NLGN4X: variants seen among roughly 807,000 people sequenced by gnomAD.
The protein encoded by NLGN4X is neuroligin 4 X-linked, also known as neuroligin-4, X-linked.
In NLGN4X, 3 loss-of-function variants were observed where a neutral mutation model predicts 40.3. That is an observed-to-expected ratio of 0.07 (90% CI 0.03 to 0.19). The LOEUF (loss-of-function observed/expected upper bound fraction) is 0.19. Among genes scored for constraint, NLGN4X ranks in the 10% least tolerant of loss-of-function variants. NLGN4X has a pLI of 1.00. For missense variants in NLGN4X, 382 were observed against 708.3 expected, an observed-to-expected ratio of 0.54 and a Z score of 5.23; for synonymous variants, 270 against 306.8, an observed-to-expected ratio of 0.88 and a Z score of 1.25.
Position 6,043,134 on chromosome X carries a change from T to TAC in NLGN4X, c.473-13704_473-13703dup, listed in dbSNP as rs757551190. Among the ~76,000 whole-genome samples the TAC allele has an allele frequency of 6.1e-4, 11 of 17,889 alleles. No homozygotes were observed. In the South Asian group the frequency reaches 0.011, roughly 18 times the overall value. The allele number at this position is 17,889 out of a possible 115,157, so 15.5% of individuals were successfully genotyped here. On this transcript the variant is annotated intron_variant, in intron 2 of 5. Coordinates refer to ENST00000381095, the MANE Select transcript of NLGN4X (RefSeq NM_181332.3). ...ACCTAATAACTTCTATGCACGCGCA[T>TAC]ACACACACACACACACACACACACA... is the stretch of plus-strand genomic sequence containing the variant.
At position 6,029,273 on chromosome X, in the gene NLGN4X, C is replaced by G. The variant is rs747471998; in HGVS notation, c.625+7G>C. 8.3e-7 allele frequency: 1 copy of G among 1,210,256 alleles called. No individual in the cohort carries two copies. The highest frequency in any genetic ancestry group is 1.8e-5 in the South Asian group (1 of 56,923). On this transcript the variant is annotated splice_region_variant and intron_variant, in intron 3 of 5. Transcript: ENST00000381095. ...TGCTCAGTCATTCACATGATGAAAT[C>G]ACTTACCTAGTATTCCCAGACGGTA...
chrX:6,127,908 A>T (rs1201408876), intron 2 of NLGN4X, among the ~76,000 whole-genome samples: 1 of 112,094 alleles, frequency 8.9e-6, no homozygotes, highest in Non-Finnish European at 1.9e-5. Flanking sequence ...CAAAACCAGG[A>T]ATGATGGGTG....
intron 1 of NLGN4X, among the ~76,000 whole-genome samples, chrX:6,225,677 C>CTTTTTTTTTTT (rs1926157453): frequency 2.5e-5 from 1 of 40,625 alleles, no homozygotes; most frequent in African/African-American, 9.5e-5. Context: ...CCTTTTTTTT[C>CTTTTTTTTTTT]TTTCTTTTTT....
intron 3 of NLGN4X, among the ~76,000 whole-genome samples, chrX:5,988,871 C>T (rs940194272): frequency 9.0e-6 from 1 of 111,105 alleles, no homozygotes. Context: ...TCGAGACCAG[C>T]CTGGCTAACA....
intron 1 of NLGN4X, among the ~76,000 whole-genome samples, chrX:6,192,635 G>T (rs1356838405): frequency 1.8e-5 from 2 of 111,621 alleles, no homozygotes; most frequent in Non-Finnish European, 3.8e-5. Flanking sequence ...GGGTTACAAG[G>T]AGAGCATGCA....
chrX:6,074,251 G>T lies in NLGN4X; in HGVS notation c.473-44819C>A, dbSNP rs939623076. Reference sequence around the variant, plus strand: ...GAATTGGGTATTCCTTGGCATTGAAGTCCCAGCCTTCACAGCAGCCAATAT... The same window carrying T: ...GAATTGGGTATTCCTTGGCATTGAATTCCCAGCCTTCACAGCAGCCAATAT... On this transcript the variant is annotated intron_variant, in intron 2 of 5. Coordinates refer to ENST00000381095, the MANE Select transcript of NLGN4X (RefSeq NM_181332.3). Among the ~76,000 whole-genome samples, 8 of 111,232 alleles carry T rather than the reference G, an allele frequency of 7.2e-5. No homozygotes were observed. In the East Asian group the frequency reaches 2.3e-3, roughly 32 times the overall value.
At chrX:6,225,681 CTTTTTTTCTTTT>C (rs1926171026) in intron 1 of NLGN4X, among the ~76,000 whole-genome samples, 2 of 33,796 alleles carry the variant, frequency 5.9e-5, no homozygotes, top group African/African-American at 1.2e-4. Flanking sequence ...TTTTTTCTTT[CTTTTTTTCTTTT>C]TTTTTTTTTT....
At chrX:5,894,319 C>T (rs184422297) in intron 5 of NLGN4X, among the ~76,000 whole-genome samples, 246 of 112,243 alleles carry the variant, frequency 2.2e-3, no homozygotes, top group African/African-American at 7.3e-3. Flanking sequence ...ATAAATGTTG[C>T]AGTTTTAGCA....
intron 3 of NLGN4X, among the ~76,000 whole-genome samples, chrX:5,995,376 G>A (rs1404613487): frequency 8.9e-6 from 1 of 112,476 alleles, no homozygotes; most frequent in Admixed American, 9.4e-5. Context: ...GAGCATTTTG[G>A]TTATTTCTGA....
At chrX:6,148,871 C>T (rs1034156973) in intron 2 of NLGN4X, among the ~76,000 whole-genome samples, 4 of 111,890 alleles carry the variant, frequency 3.6e-5, no homozygotes, top group Non-Finnish European at 7.5e-5. Flanking sequence ...AAAATAAAAA[C>T]TCCTAACCCA....
chrX:5,969,809 T>C (rs2034962306), intron 3 of NLGN4X, among the ~76,000 whole-genome samples: 1 of 110,020 alleles, frequency 9.1e-6, no homozygotes, highest in Admixed American at 9.7e-5. Context: ...ATTAAGAAAA[T>C]GTGGCACATA....
chrX:6,002,803 C>T (rs1194837361), intron 3 of NLGN4X, among the ~76,000 whole-genome samples: 4 of 111,875 alleles, frequency 3.6e-5, no homozygotes, highest in African/African-American at 1.3e-4. Flanking sequence ...CCAGGCATAG[C>T]TTGGAAAGGG....
intron 1 of NLGN4X, among the ~76,000 whole-genome samples, chrX:6,163,271 T>G (rs1280232904): frequency 8.9e-6 from 1 of 112,082 alleles, no homozygotes; most frequent in Non-Finnish European, 1.9e-5. Context: ...ACATATAAAT[T>G]TAGAACAATA....
chrX:6,139,772 G>A (rs1265032994), intron 2 of NLGN4X, among the ~76,000 whole-genome samples: 3 of 111,827 alleles, frequency 2.7e-5, no homozygotes, highest in Admixed American at 1.9e-4. Flanking sequence ...TTCCAGCAGC[G>A]GGTTTAGATC....
At chrX:6,069,729 G>A (rs1409285070) in intron 2 of NLGN4X, among the ~76,000 whole-genome samples, 1 of 112,007 alleles carries the variant, frequency 8.9e-6, no homozygotes. Flanking sequence ...ACAAAATGGA[G>A]CAAAGCTTTC....
chrX:6,119,371 C>T (rs1348569970), intron 2 of NLGN4X, among the ~76,000 whole-genome samples: 1 of 111,875 alleles, frequency 8.9e-6, no homozygotes, highest in Non-Finnish European at 1.9e-5. Flanking sequence ...TTCTGAAGTG[C>T]TCAATAATAC....
At chrX:6,054,829 T>A (rs755001052) in intron 2 of NLGN4X, among the ~76,000 whole-genome samples, 2 of 111,163 alleles carry the variant, frequency 1.8e-5, no homozygotes, top group African/African-American at 6.5e-5. Context: ...AGCTAATTTT[T>A]GTATTTTTAG....
chrX:5,942,527 G>T (rs1424536181), intron 3 of NLGN4X, among the ~76,000 whole-genome samples: 2 of 110,465 alleles, frequency 1.8e-5, no homozygotes, highest in Non-Finnish European at 3.8e-5. Context: ...ACTAAAAATA[G>T]AAAAATTAGG....
chrX:6,141,252 C>A (rs1268555941), intron 2 of NLGN4X, among the ~76,000 whole-genome samples: 2 of 111,443 alleles, frequency 1.8e-5, no homozygotes, highest in Non-Finnish European at 3.8e-5. Flanking sequence ...TTTAGGAGAA[C>A]CAGCCAACAG....
Sources: gnomAD v4.1 joint callset for allele counts (sites outside exome capture counted in the v4.1 genomes callset) on GRCh38, gnomAD v4.1.1 for gene constraint, MANE v1.5 for transcripts, NCBI Gene and HGNC (gene_info 2026-07-23, HGNC 2026-07-21) for gene names.